Variants in DNAH17 observed in about 807,000 individuals in gnomAD.
DNAH17 encodes axonemal beta dynein heavy chain 17.
In DNAH17, 376 loss-of-function variants were observed where a neutral mutation model predicts 485.6. The ratio of observed to expected loss-of-function variants is 0.77; its 90% confidence interval spans 0.71 to 0.84. The LOEUF (loss-of-function observed/expected upper bound fraction) is 0.84. Among genes scored for constraint, DNAH17 ranks in the 40% least tolerant of loss-of-function variants. The probability of loss-of-function intolerance (pLI) is 0.00; values close to 1 mark genes in which losing one functional copy is unlikely to be tolerated. For synonymous variants in DNAH17, 3,031 were observed against 2,405.9 expected, an observed-to-expected ratio of 1.26 and a Z score of -7.60; for missense variants, 6,370 against 5,839.3, an observed-to-expected ratio of 1.09 and a Z score of -2.96.
chr17:78,465,752 G>A (rs2088409585), intron 56 of DNAH17, among the ~76,000 whole-genome samples: 1 of 142,538 alleles, frequency 7.0e-6, no homozygotes, highest in African/African-American at 3.1e-5. Flanking sequence ...CCGTCCGGGA[G>A]GGAGGTGGGG....
intron 55 of DNAH17, among the ~76,000 whole-genome samples, chr17:78,467,575 G>A (rs903739987): frequency 6.6e-6 from 1 of 152,180 alleles, no homozygotes; most frequent in Non-Finnish European, 1.5e-5. Flanking sequence ...ACCCTGCTCT[G>A]TTTGAGTCAA....
rs564562156 is a variant in DNAH17 at position 78,462,342 on chromosome 17, G to T, written c.9174+502C>A. Among the ~76,000 whole-genome samples the T allele has an allele frequency of 5.9e-5, 9 of 152,278 alleles. No homozygotes were observed. In the East Asian group the frequency reaches 1.7e-3, roughly 29 times the overall value. On this transcript the variant is annotated intron_variant, in intron 57 of 80. Coordinates refer to ENST00000389840, the MANE Select transcript of DNAH17 (RefSeq NM_173628.4). ...GTCTGTTCACAACTCCAGCAGGGAG[G>T]TGGCAGCTATTTTCAGGCCCCCTCA...
In DNAH17 at chr17:78,475,715, A is replaced by C; in HGVS notation, c.8273T>G (p.Val2758Gly). Reference sequence around the variant, plus strand: ...TTCATTGTAGCTGTCCAGGACGTCCACGAGGAGCTTGTTCAGAGGAGCCAT... The same window carrying C: ...TTCATTGTAGCTGTCCAGGACGTCCCCGAGGAGCTTGTTCAGAGGAGCCAT... The part of the protein sequence containing the change: ...TDMAPLNKLL[V>G]DVLDSYNEVN... The change falls in exon 53 of 81, where the codon GTG becomes GGG. Residue 2758 changes from valine to glycine, a missense_variant. Transcript: ENST00000389840. 1 of 1,613,946 alleles carries C rather than the reference A, an allele frequency of 6.2e-7. No individual in the cohort carries two copies. Among genetic ancestry groups the C allele is most frequent in the Non-Finnish European group, 8.5e-7 (1 of 1,179,856 alleles).
At chr17:78,507,188 C>T in intron 29 of DNAH17, 90 bp downstream of exon 29, 1 of 1,468,854 alleles carries the variant, frequency 6.8e-7, no homozygotes, top group Non-Finnish European at 9.3e-7. Context: ...TCCTGGCCAG[C>T]AGGCTGCACA....
chr17:78,436,454 A>G (rs2086852531), intron 74 of DNAH17, among the ~76,000 whole-genome samples: 1 of 152,054 alleles, frequency 6.6e-6, no homozygotes, highest in African/African-American at 2.4e-5. Context: ...TCAAACCTCA[A>G]AAAAGTTCTA....
chr17:78,478,441 C>T lies in DNAH17; in HGVS notation c.7992+584G>A, dbSNP rs567738927. Among the ~76,000 whole-genome samples the T allele has an allele frequency of 1.4e-3, 205 of 151,410 alleles. 1 individual carries two copies. Among genetic ancestry groups the T allele is most frequent in the African/African-American group, 4.5e-3 (184 of 41,244 alleles). On this transcript the variant is annotated intron_variant, in intron 51 of 80. Coordinates refer to ENST00000389840, the MANE Select transcript of DNAH17 (RefSeq NM_173628.4). ...TCACCATCATCACCACCATCATTACCAACATTACCATCACCATCACTATTG... is the reference window on the plus strand; with the variant it reads ...TCACCATCATCACCACCATCATTACTAACATTACCATCACCATCACTATTG...
chr17:78,572,719 G>T lies in DNAH17; in HGVS notation c.521C>A (p.Thr174Lys), dbSNP rs776213977. The change falls in exon 3 of 81, where the codon ACG becomes AAG. Residue 174 changes from threonine to lysine, a missense_variant. Transcript: ENST00000389840. ...IPEHLGSLDG[T>K]LESMERIPSS... ...CACACACCTCTCCATGGACTCCAGC[G>T]TGCCATCCAGGCTGCCCAGGTGCTC... The T allele has an allele frequency of 6.2e-7, 1 of 1,608,360 alleles. No homozygotes were observed. Among genetic ancestry groups the T allele is most frequent in the Admixed American group, 1.7e-5 (1 of 59,336 alleles).
rs1430641926 is a variant in DNAH17, at chr17:78,548,130, C to CT, written c.2391+3404dup. The stretch of plus-strand genomic sequence containing the variant: ...CAGTTTTGACTTTCTTAGCCATGTC[C>CT]TTTCCCTTCTCTGCTTTCCTCTCAT... On this transcript the variant is annotated intron_variant, in intron 16 of 80. Transcript: ENST00000389840. Among the ~76,000 whole-genome samples the CT allele has an allele frequency of 5.9e-5, 9 of 151,458 alleles. No individual in the cohort carries two copies. In the East Asian group the frequency reaches 1.7e-3, roughly 29 times the overall value.
chr17:78,444,129 A>G (rs2087180724), intron 71 of DNAH17, among the ~76,000 whole-genome samples: 1 of 152,208 alleles, frequency 6.6e-6, no homozygotes, highest in African/African-American at 2.4e-5. Flanking sequence ...AGAGGTACTC[A>G]AAGTCCTCGA....
intron 76 of DNAH17, 58 bp from the exon 77 acceptor site, chr17:78,428,765 C>T: frequency 6.3e-7 from 1 of 1,591,218 alleles, no homozygotes; most frequent in Non-Finnish European, 8.6e-7. Flanking sequence ...AAACCCATGT[C>T]CTGTTGGTTA....
Position 78,551,632 on chromosome 17 carries a change from AACAC to A in DNAH17, c.2290_2293del (p.Val764PhefsTer25). Reference sequence around the variant, plus strand: ...TTCTCGCACCTCTTGAATGTACTGAAACACACCTAAAATGGAAATGTAGAGGAAT... The same window carrying A: ...TTCTCGCACCTCTTGAATGTACTGAAACCTAAAATGGAAATGTAGAGGAAT... On this transcript the variant is annotated frameshift_variant and splice_region_variant, in exon 16 of 81. Coordinates refer to ENST00000389840, the MANE Select transcript of DNAH17 (RefSeq NM_173628.4). LOFTEE classifies it high-confidence loss of function. 6.2e-7 allele frequency: 1 copy of A among 1,613,906 alleles called. No individual in the cohort carries two copies. The highest frequency in any genetic ancestry group is 8.5e-7 in the Non-Finnish European group (1 of 1,179,826).
chr17:78,431,748 G>T (rs1178114673), intron 75 of DNAH17, among the ~76,000 whole-genome samples: 15 of 152,084 alleles, frequency 9.9e-5, no homozygotes. Flanking sequence ...GTTGGCCAGC[G>T]CAGGCCACAT....
At chr17:78,529,078 A>C (rs2091156651) in intron 22 of DNAH17, among the ~76,000 whole-genome samples, 1 of 150,972 alleles carries the variant, frequency 6.6e-6, no homozygotes, top group South Asian at 2.1e-4. Context: ...TGAGTAGCTG[A>C]GACTACACTA....
chr17:78,424,157 C>G lies in DNAH17; in HGVS notation c.13142-4G>C. 3.7e-6 allele frequency: 6 copies of G among 1,607,658 alleles called. No individual in the cohort carries two copies. The highest frequency in any genetic ancestry group is 5.1e-6 in the Non-Finnish European group (6 of 1,177,360). ...GTCTGGGTGTCCCAGCGAGCCCCTGCAGGGACAGTATGGCTGAGGGTCAGG... is the reference window on the plus strand; with the variant it reads ...GTCTGGGTGTCCCAGCGAGCCCCTGGAGGGACAGTATGGCTGAGGGTCAGG... On this transcript the variant is annotated splice_region_variant and splice_polypyrimidine_tract_variant and intron_variant, in intron 80 of 80. Coordinates refer to ENST00000389840, the MANE Select transcript of DNAH17 (RefSeq NM_173628.4).
Position 78,423,727 on chromosome 17 carries a change from A to T in DNAH17, c.*179T>A. 1 of 770,382 alleles carries T rather than the reference A, an allele frequency of 1.3e-6. No homozygotes were observed. Among genetic ancestry groups the T allele is most frequent in the Non-Finnish European group, 2.1e-6 (1 of 485,250 alleles). 47.7% of individuals were successfully genotyped at this position (770,382 alleles called of 1,614,324 possible). A position where few individuals can be genotyped will look rare whatever the true frequency, so the allele number is the denominator to read the frequency against. On this transcript the variant is annotated 3_prime_UTR_variant, in exon 81 of 81. Transcript: ENST00000389840. ...GGCTCCACTGGCTTTAATCTGCCCC[A>T]CCTCTTCCACACCAACCTCCACCCT...
At chr17:78,444,573 G>T in intron 71 of DNAH17, 31 bp downstream of exon 71, 1 of 1,527,070 alleles carries the variant, frequency 6.5e-7, no homozygotes, top group Non-Finnish European at 8.8e-7. Context: ...GGGCCTCGGG[G>T]GCGGGGCCCC....
At chr17:78,503,169 CT>C (rs397856727) in intron 31 of DNAH17, 158 bp from the exon 32 acceptor site, 555 of 127,440 alleles carry the variant, frequency 4.4e-3, no homozygotes, top group Non-Finnish European at 5.0e-3. Flanking sequence ...AGTGACACAC[CT>C]TTTTTTTTTT....
chr17:78,443,751 T>C (rs1272251914), intron 71 of DNAH17, among the ~76,000 whole-genome samples: 1 of 152,176 alleles, frequency 6.6e-6, no homozygotes, highest in African/African-American at 2.4e-5. Flanking sequence ...GGTCTCACTA[T>C]GTTTCCCAGG....
At chr17:78,499,754 G>T (rs1283514873) in intron 36 of DNAH17, 1 of 152,742 alleles carries the variant, frequency 6.5e-6, no homozygotes, top group African/African-American at 2.4e-5. Flanking sequence ...GCTGGGGAGG[G>T]GAGACCCTCT....
Sources: gnomAD v4.1 joint callset for allele counts (sites outside exome capture counted in the v4.1 genomes callset) on GRCh38, gnomAD v4.1.1 for gene constraint, MANE v1.5 for transcripts, NCBI Gene and HGNC (gene_info 2026-07-23, HGNC 2026-07-21) for gene names.